KCP: variants seen among roughly 807,000 people sequenced by gnomAD.
The protein encoded by KCP is kielin/chordin-like protein.
KCP carries 194 observed loss-of-function variants against 212.7 expected under a neutral mutation model. The ratio of observed to expected loss-of-function variants is 0.91; its 90% CI spans 0.81 to 1.03. KCP has a LOEUF of 1.03. Among genes scored for constraint, KCP ranks in the 50% least tolerant of loss-of-function variants. KCP has a pLI of 0.00. For synonymous variants in KCP, 833 were observed against 865.3 expected, an observed-to-expected ratio of 0.96 and a Z score of 0.65; for missense variants, 2,080 against 2,162.5, an observed-to-expected ratio of 0.96 and a Z score of 0.76.
chr7:128,891,565 G>A lies in KCP; in HGVS notation c.1796-32C>T. ...GAGGGAGGGGCTATAGCCTGGGAGA[G>A]GGCGACTGCCCCAGGGCGTGCTGCC... On this transcript the variant is annotated intron_variant, in intron 17 of 39. Transcript: ENST00000610776. The A allele has an allele frequency of 2.6e-6, 4 of 1,541,086 alleles. No homozygotes were observed. The South Asian group carries it at 4.8e-5, about 18-fold the overall frequency.
At chr7:128,910,556 G>T in intron 1 of KCP, 45 bp downstream of exon 1, 1 of 1,484,490 alleles carries the variant, frequency 6.7e-7, no homozygotes, top group Non-Finnish European at 8.9e-7. Context: ...TAGGAGGGAG[G>T]GGGCGCACCT....
At chr7:128,892,445 G>A (rs1794215217) in intron 16 of KCP, 69 bp downstream of exon 16, 2 of 1,153,158 alleles carry the variant, frequency 1.7e-6, no homozygotes, top group Non-Finnish European at 2.4e-6. Flanking sequence ...TACCTGTTGG[G>A]CCCATGGGGC....
intron 9 of KCP, 40 bp downstream of exon 9, chr7:128,894,160 G>T: frequency 6.6e-7 from 1 of 1,508,698 alleles, no homozygotes. Flanking sequence ...TCTCCAGGTT[G>T]CCCACCATGG....
At chr7:128,878,517 C>T (rs757378596) in intron 38 of KCP, 41 bp downstream of exon 38, 12 of 1,521,270 alleles carry the variant, frequency 7.9e-6, no homozygotes, top group East Asian at 2.5e-5. Context: ...TGCTCAGCTG[C>T]GTCTCCCCTA....
chr7:128,891,658 TCGGGCAGCAGGTCCCAGGCAGCGGGTGGG>T lies in KCP; in HGVS notation c.1754_1782del (p.Ala585GlufsTer24). The T allele has an allele frequency of 1.4e-6, 2 of 1,461,116 alleles. No individual in the cohort carries two copies. Among genetic ancestry groups the T allele is most frequent in the Non-Finnish European group, 1.8e-6 (2 of 1,104,628 alleles). 90.5% of individuals were successfully genotyped at this position (1,461,116 alleles called of 1,614,324 possible). A position where few individuals can be genotyped will look rare whatever the true frequency, so the allele number is the denominator to read the frequency against. The stretch of plus-strand genomic sequence containing the variant: ...CCGCCCACCTCACCGCTGCAGTCGT[TCGGGCAGCAGGTCCCAGGCAGCGGGTGGG>T]CACAGGGGGCCCTGGGGCAGGGGCG... On this transcript the variant is annotated frameshift_variant, in exon 17 of 40. Transcript: ENST00000610776. LOFTEE classifies it high-confidence loss of function.
In KCP at chr7:128,885,294, C is replaced by T. The variant is rs890788791; in HGVS notation, c.2867-24G>A. 6 of 1,524,820 alleles carry T rather than the reference C, an allele frequency of 3.9e-6. No individual in the cohort carries two copies. The African/African-American group carries it at 4.1e-5, about 10-fold the overall frequency. 94.5% of individuals were successfully genotyped at this position (1,524,820 alleles called of 1,614,324 possible). ...GCCTGTGGTGCAAAGTGGGCAGGGA[C>T]GAGCTCGGAGGTTGAGATCTGGACA... is the stretch of plus-strand genomic sequence containing the variant. On this transcript the variant is annotated intron_variant, in intron 26 of 39. Transcript: ENST00000610776.
In KCP at chr7:128,890,966, C is replaced by T; in HGVS notation, c.2103G>A (p.Leu701=). 2.0e-5 allele frequency: 26 copies of T among 1,274,782 alleles called. No homozygotes were observed. Among genetic ancestry groups the T allele is most frequent in the Non-Finnish European group, 2.5e-5 (25 of 1,016,076 alleles). 79.0% of individuals were successfully genotyped at this position (1,274,782 alleles called of 1,614,324 possible). The change falls in exon 20 of 40, where the codon CTG becomes CTA. Residue 701 remains leucine (L), a synonymous_variant. Coordinates refer to ENST00000610776, the MANE Select transcript of KCP (RefSeq NM_001366122.1). ...GCGCGCAGGGCGCGGGCGGGCAGGG[C>T]AGCCGCTGGCAGGACACGGAGCCGT... ...CLDGSVSCQR[L]PCPPAPCAHP...
At chr7:128,908,251 G>GAAAGAAAGAAAGAAAGAAAGA (rs10565205) in intron 2 of KCP, among the ~76,000 whole-genome samples, 175 bp downstream of exon 2, 5 of 101,274 alleles carry the variant, frequency 4.9e-5, no homozygotes, top group Non-Finnish European at 7.9e-5. Context: ...AAGAAAGAAA[G>GAAAGAAAGAAAGAAAGAAAGA]AAGAAAGAAA....
At chr7:128,907,721 G>A (rs1341517343) in intron 2 of KCP, among the ~76,000 whole-genome samples, 5 of 152,212 alleles carry the variant, frequency 3.3e-5, no homozygotes, top group African/African-American at 1.2e-4. Flanking sequence ...TTTTGATGAT[G>A]CCTTATATAG....
At chr7:128,883,651 A>G (rs1585200636) in intron 29 of KCP, among the ~76,000 whole-genome samples, 1 of 152,070 alleles carries the variant, frequency 6.6e-6, no homozygotes, top group African/African-American at 2.4e-5. Context: ...TTTCCCCCCA[A>G]TCTTAATAAA....
chr7:128,890,826 G>T, intron 20 of KCP, 79 bp downstream of exon 20: 1 of 1,176,888 alleles, frequency 8.5e-7, no homozygotes, highest in Non-Finnish European at 1.1e-6. Context: ...CCTGGAGGAA[G>T]GGGACTGGGC....
At position 128,893,490 on chromosome 7, in the gene KCP, CA is replaced by C. The variant is rs1326956724; in HGVS notation, c.1100-15del. ...GGTACTCACAGCCTGGATGGGATGA[CA>C]GGGGCGTGGGGGTATAGGGCTGGAG... On this transcript the variant is annotated splice_polypyrimidine_tract_variant and intron_variant, in intron 11 of 39. Transcript: ENST00000610776. The C allele has an allele frequency of 6.5e-7, 1 of 1,534,992 alleles. No individual in the cohort carries two copies. Among genetic ancestry groups the C allele is most frequent in the Non-Finnish European group, 8.8e-7 (1 of 1,132,104 alleles).
chr7:128,886,550 T>C lies in KCP; in HGVS notation c.2780A>G (p.Gln927Arg), dbSNP rs1446417788. 1.3e-6 allele frequency: 2 copies of C among 1,550,992 alleles called. No homozygotes were observed. The highest frequency in any genetic ancestry group is 1.7e-6 in the Non-Finnish European group (2 of 1,146,772). Reference sequence around the variant, plus strand: ...GCACTGCAGCCGCACACAGCTGACCTGGCCAGCCTGTAGGAGATGCAGGGA... The same window carrying C: ...GCACTGCAGCCGCACACAGCTGACCCGGCCAGCCTGTAGGAGATGCAGGGA... ...SCEWCRCQAG[Q>R]VSCVRLQCPP... Residue 927 changes from glutamine (Q) to arginine (R), a missense_variant, in exon 26 of 40, where the codon CAG (glutamine) becomes CGG (arginine). By Grantham distance (43) the Gln-to-Arg change is conservative. Coordinates refer to ENST00000610776, the MANE Select transcript of KCP (RefSeq NM_001366122.1).
chr7:128,908,623 CAT>C lies in KCP; in HGVS notation c.77-57_77-56del. 6 of 1,515,946 alleles carry C rather than the reference CAT, an allele frequency of 4.0e-6. No homozygotes were observed. In the South Asian group the frequency reaches 7.4e-5, roughly 19 times the overall value. 93.9% of individuals were successfully genotyped at this position (1,515,946 alleles called of 1,614,324 possible). ...TGAGGGTGAGGGGCTGGCCTGGCCACATTTTCTGGGTTCTGTCTTCTGACCCA... is the reference window on the plus strand; with the variant it reads ...TGAGGGTGAGGGGCTGGCCTGGCCACTTTCTGGGTTCTGTCTTCTGACCCA... On this transcript the variant is annotated intron_variant, in intron 1 of 39. Transcript: ENST00000610776.
intron 8 of KCP, among the ~76,000 whole-genome samples, chr7:128,899,376 G>A (rs1208542799): frequency 6.6e-6 from 1 of 152,128 alleles, no homozygotes; most frequent in Non-Finnish European, 1.5e-5. Flanking sequence ...ACCAACTATA[G>A]GACTTCAACA....
intron 11 of KCP, 122 bp downstream of exon 11, chr7:128,893,684 G>A (rs1460405731): frequency 5.4e-6 from 6 of 1,121,078 alleles, no homozygotes; most frequent in African/African-American, 4.6e-5. Context: ...AAGGTGTGGT[G>A]AGGACTCACT....
chr7:128,878,983 C>G (rs1793154760), intron 37 of KCP: 1 of 495,592 alleles, frequency 2.0e-6, no homozygotes, highest in African/African-American at 1.9e-5. Flanking sequence ...CTGCTGCCAT[C>G]CCTGCACTGG....
In KCP at chr7:128,879,799, C is replaced by T. The variant is rs1263012605; in HGVS notation, c.3963G>A (p.Arg1321=). ...CCTCCTGGGTCCAGGCCACACCGCT[C>T]CGGCCCCGGTCATCATTGGTCACGT... ...SVHVTNDDRG[R]SGVAWTQEVA... Residue 1321 remains arginine, a synonymous_variant, in exon 36 of 40, where the codon CGG becomes CGA. Coordinates refer to ENST00000610776, the MANE Select transcript of KCP (RefSeq NM_001366122.1). 3.2e-6 allele frequency: 5 copies of T among 1,550,822 alleles called. No individual in the cohort carries two copies. Among genetic ancestry groups the T allele is most frequent in the Non-Finnish European group, 4.4e-6 (5 of 1,146,974 alleles).
intron 12 of KCP, 23 bp from the exon 13 acceptor site, chr7:128,893,342 A>G: frequency 6.4e-7 from 1 of 1,551,470 alleles, no homozygotes; most frequent in Non-Finnish European, 8.7e-7. Context: ...CAGGTGAGAC[A>G]CCCTGAAGGA....
Sources: gnomAD v4.1 joint callset for allele counts (sites outside exome capture counted in the v4.1 genomes callset) on GRCh38, gnomAD v4.1.1 for gene constraint, MANE v1.5 for transcripts, NCBI Gene and HGNC (gene_info 2026-07-23, HGNC 2026-07-21) for gene names.